FANCB: variants seen among roughly 807,000 people sequenced by gnomAD.
FANCB encodes the protein FA complementation group B.
In FANCB, 5 loss-of-function variants were observed where a neutral mutation model predicts 38.9. That is an observed-to-expected ratio of 0.13 (90% CI 0.07 to 0.27). The LOEUF is 0.27. Ranked by LOEUF, FANCB falls within the 10% of genes least tolerant of loss-of-function variation. The pLI, the probability that FANCB is intolerant of heterozygous loss-of-function variation, is 1.00. For missense variants in FANCB, 573 were observed against 602.7 expected (o/e 0.95, Z 0.52); for synonymous variants, 236 against 215.4 (o/e 1.10, Z -0.84).
the FANCB span, among the ~76,000 whole-genome samples, chrX:14,759,419 T>G: frequency 9.0e-6 from 1 of 111,451 alleles, no homozygotes; most frequent in Non-Finnish European, 1.9e-5. Context: ...CACATAGTCA[T>G]TAAGTTATCT....
downstream of FANCB, chrX:14,835,264 C>T (rs1217075705): frequency 3.9e-6 from 2 of 506,745 alleles, no homozygotes; most frequent in African/African-American, 4.7e-5. Context: ...AGTTCACAAC[C>T]GAAAAGTTAG....
At chrX:14,766,046 G>T in the FANCB span, among the ~76,000 whole-genome samples, 5 of 111,182 alleles carry the variant, frequency 4.5e-5, no homozygotes, top group Non-Finnish European at 9.4e-5. Flanking sequence ...AAGCTATTGG[G>T]TTGACACCAA....
chrX:14,839,942 G>A (rs1195898835), downstream of FANCB, among the ~76,000 whole-genome samples: 2 of 109,720 alleles, frequency 1.8e-5, no homozygotes, highest in Non-Finnish European at 1.9e-5. Context: ...TGCAACCGCC[G>A]CCTCCAGGGT....
the FANCB span, among the ~76,000 whole-genome samples, chrX:14,799,194 C>T: frequency 4.3e-4 from 48 of 112,222 alleles, no homozygotes; most frequent in African/African-American, 1.4e-3. Flanking sequence ...AAACCCCAAA[C>T]ACTGTTGGTG....
the FANCB span, among the ~76,000 whole-genome samples, chrX:14,765,109 G>A: frequency 2.7e-5 from 3 of 111,267 alleles, no homozygotes; most frequent in Non-Finnish European, 3.8e-5. Flanking sequence ...AATTTAACTC[G>A]GCATCCTGAG....
the FANCB span, among the ~76,000 whole-genome samples, chrX:14,779,716 C>T: frequency 8.6e-4 from 92 of 106,897 alleles, 1 homozygote; most frequent in South Asian, 0.029. Flanking sequence ...TAAAACATTG[C>T]GATAATAATC....
chrX:14,847,688 T>C (rs1455463795), intron 7 of FANCB, among the ~76,000 whole-genome samples: 1 of 108,703 alleles, frequency 9.2e-6, no homozygotes, highest in Non-Finnish European at 1.9e-5. Flanking sequence ...AATCATGTCA[T>C]TGTCAAATAT....
chrX:14,809,840 G>A, the FANCB span, among the ~76,000 whole-genome samples: 22 of 112,546 alleles, frequency 2.0e-4, 1 homozygote, highest in Admixed American at 1.9e-3. Context: ...GGTTCTCCCA[G>A]CACGCAGCTG....
chrX:14,704,863 G>A, the FANCB span, among the ~76,000 whole-genome samples: 1 of 111,611 alleles, frequency 9.0e-6, no homozygotes, highest in Non-Finnish European at 1.9e-5. Flanking sequence ...AATTTTAGAG[G>A]TCAATATCAG....
intron 6 of FANCB, among the ~76,000 whole-genome samples, chrX:14,852,217 G>A (rs1359125705): frequency 9.5e-6 from 1 of 105,582 alleles, no homozygotes; most frequent in Non-Finnish European, 1.9e-5. Context: ...CACCCAGGCT[G>A]GAGTGCAATG....
downstream of FANCB, among the ~76,000 whole-genome samples, chrX:14,833,104 A>G (rs1055465933): frequency 1.8e-5 from 2 of 112,460 alleles, no homozygotes; most frequent in Non-Finnish European, 3.7e-5. Flanking sequence ...GGTAAAATGT[A>G]AAAAAAGAAA....
chrX:14,832,924 T>A (rs2092330959), downstream of FANCB, among the ~76,000 whole-genome samples: 1 of 112,136 alleles, frequency 8.9e-6, no homozygotes, highest in Admixed American at 9.4e-5. Context: ...TGTTTTGAGT[T>A]GGGTTTTCTT....
the FANCB span, among the ~76,000 whole-genome samples, chrX:14,775,178 T>TG: frequency 2.0e-5 from 2 of 98,361 alleles, no homozygotes; most frequent in African/African-American, 3.6e-5. Context: ...TTTTTTTTTT[T>TG]TTTTTTTTTT....
intron 6 of FANCB, among the ~76,000 whole-genome samples, chrX:14,852,781 G>C (rs1301904027): frequency 1.8e-5 from 2 of 111,221 alleles, no homozygotes; most frequent in African/African-American, 6.5e-5. Context: ...TAAACAAAAG[G>C]ACTTGTTCCC....
chrX:14,796,318 T>A, the FANCB span, among the ~76,000 whole-genome samples: 1 of 107,745 alleles, frequency 9.3e-6, no homozygotes, highest in Admixed American at 1.0e-4. Context: ...TAGAAAGCTG[T>A]ATTAGTCAGA....
chrX:14,770,789 A>G, the FANCB span, among the ~76,000 whole-genome samples: 1 of 112,062 alleles, frequency 8.9e-6, no homozygotes, highest in East Asian at 2.8e-4. Context: ...TCCTTTCCAT[A>G]TTTAGAGCTT....
At chrX:14,698,253 C>A in the FANCB span, among the ~76,000 whole-genome samples, 1 of 111,395 alleles carries the variant, frequency 9.0e-6, no homozygotes, top group African/African-American at 3.3e-5. Flanking sequence ...TTTGGGTACC[C>A]CCTCAGATTT....
the FANCB span, among the ~76,000 whole-genome samples, chrX:14,693,002 C>T: frequency 1.8e-5 from 2 of 109,231 alleles, no homozygotes; most frequent in African/African-American, 6.7e-5. Flanking sequence ...TGTAACTAAC[C>T]TGCACATTGT....
the FANCB span, among the ~76,000 whole-genome samples, chrX:14,811,056 CAGCCAAAGTAAGCTTCATAAGTGA>C: frequency 3.6e-5 from 4 of 111,114 alleles, no homozygotes; most frequent in African/African-American, 1.3e-4. Context: ...ATTTCATATC[CAGCCAAAGTAAGCTTCATAAGTGA>C]AGGAGAAATA....
Sources: allele counts gnomAD v4.1 joint callset (sites outside exome capture counted in the v4.1 genomes callset), GRCh38; gene constraint gnomAD v4.1.1; transcripts MANE v1.5; gene names NCBI Gene and HGNC (gene_info 2026-07-23, HGNC 2026-07-21).